The following OGDHL variants were observed in gnomAD, a reference collection of about 807,000 sequenced individuals.
The protein encoded by OGDHL is oxoglutarate dehydrogenase L.
OGDHL carries 79 observed loss-of-function variants against 109.6 expected under a neutral mutation model. That is an observed-to-expected ratio of 0.72 (90% CI 0.60 to 0.87). OGDHL has a LOEUF of 0.87. Among genes scored for constraint, OGDHL ranks in the 40% least tolerant of loss-of-function variants. The probability of loss-of-function intolerance (pLI) is 0.00; values close to 1 mark genes in which losing one functional copy is unlikely to be tolerated. For synonymous variants in OGDHL, 528 were observed against 537.2 expected (o/e 0.98, Z 0.24); for missense variants, 1,275 against 1,362.2 (o/e 0.94, Z 1.01).
chr10:49,737,790 T>C lies in OGDHL; in HGVS notation c.2586A>G (p.Val862=), dbSNP rs1841311567. The change falls in exon 20 of 23, where the codon GTA becomes GTG. Residue 862 remains valine, a synonymous_variant. Coordinates refer to ENST00000374103, the MANE Select transcript of OGDHL (RefSeq NM_018245.3). ...ACACCCAGGCCAGGCACGTACCGGA[T>C]ACCATTTGGTCAAAGCTGGACTTGG... ...PEAKSSFDQM[V]SGTSFQRVIP... is the part of the protein sequence containing the mutation. 7.4e-6 allele frequency: 12 copies of C among 1,614,034 alleles called. No homozygotes were observed. Among genetic ancestry groups the C allele is most frequent in the Non-Finnish European group, 8.5e-6 (10 of 1,180,018 alleles).
chr10:49,751,983 T>C lies in OGDHL; in HGVS notation c.595-2A>G. 6.2e-7 allele frequency: 1 copy of C among 1,614,162 alleles called. No individual in the cohort carries two copies. Among genetic ancestry groups the C allele is most frequent in the Non-Finnish European group, 8.5e-7 (1 of 1,180,034 alleles). ...GCCAATGTGCTGGCAGTAGGTGTTC[T>C]GGGGAGACACATTGGGACCCCATGA... is the stretch of plus-strand genomic sequence containing the variant. On this transcript the variant is annotated splice_acceptor_variant, in intron 5 of 22. Coordinates refer to ENST00000374103, the MANE Select transcript of OGDHL (RefSeq NM_018245.3). LOFTEE classifies it high-confidence loss of function.
At chr10:49,754,884 C>T (rs906521566) in intron 3 of OGDHL, among the ~76,000 whole-genome samples, 2 of 152,154 alleles carry the variant, frequency 1.3e-5, no homozygotes, top group Non-Finnish European at 2.9e-5. Flanking sequence ...GTACAAGAGA[C>T]GTAAGAGCCA....
At position 49,737,977 on chromosome 10, in the gene OGDHL, G is replaced by A. The variant is rs770634118; in HGVS notation, c.2487C>T (p.Arg829=). 6.8e-6 allele frequency: 11 copies of A among 1,614,080 alleles called. No homozygotes were observed. Among genetic ancestry groups the A allele is most frequent in the Admixed American group, 3.3e-5 (2 of 60,010 alleles). Residue 829 remains arginine, a synonymous_variant, in exon 19 of 23, where the codon CGC becomes CGT. Coordinates refer to ENST00000374103, the MANE Select transcript of OGDHL (RefSeq NM_018245.3). Reference sequence around the variant, plus strand: ...TGCGGAAGGGCAGCAGGATCTGCCGGCGCAGCACGTGGAAGTAGTTGGCCG... The same window carrying A: ...TGCGGAAGGGCAGCAGGATCTGCCGACGCAGCACGTGGAAGTAGTTGGCCG... The part of the protein sequence containing the change: ...STPANYFHVL[R]RQILLPFRKP...
intron 6 of OGDHL, among the ~76,000 whole-genome samples, chr10:49,751,590 G>A (rs570041069): frequency 3.3e-5 from 5 of 152,268 alleles, no homozygotes; most frequent in Admixed American, 6.5e-5. Flanking sequence ...CAGTGTCCCC[G>A]CTCTCTTGTT....
rs1588810389 is a variant in OGDHL, at chr10:49,758,381, A to G, written c.204+8T>C. The G allele has an allele frequency of 3.7e-6, 6 of 1,603,020 alleles. No homozygotes were observed. Among genetic ancestry groups the G allele is most frequent in the African/African-American group, 1.3e-5 (1 of 74,916 alleles). ...TGCGGTGGCCCAGGGTAGGGTGGGG[A>G]TGCTGACCTTGTGGACACTCTGGGG... On this transcript the variant is annotated splice_region_variant and intron_variant, in intron 2 of 22. Transcript: ENST00000374103.
At chr10:49,758,942 G>T (rs1050932759) in intron 1 of OGDHL, among the ~76,000 whole-genome samples, 3 of 152,016 alleles carry the variant, frequency 2.0e-5, no homozygotes, top group African/African-American at 7.2e-5. Flanking sequence ...CCTAGGTCCT[G>T]GAGCCCACTC....
At chr10:49,745,122 G>C (rs1564537697) in intron 12 of OGDHL, among the ~76,000 whole-genome samples, 1 of 152,248 alleles carries the variant, frequency 6.6e-6, no homozygotes, top group Non-Finnish European at 1.5e-5. Flanking sequence ...GCTCAAGGCT[G>C]GACTTCCCCC....
In OGDHL at chr10:49,743,813, C is replaced by G. The variant is rs987435458; in HGVS notation, c.1861+181G>C. ...ATCTGGAGCTGCCCAGCTCGCCACG[C>G]CCACCCTGAAAAGAGCTACTGTCAC... On this transcript the variant is annotated intron_variant, in intron 14 of 22. Transcript: ENST00000374103. 3 of 674,608 alleles carry G rather than the reference C, an allele frequency of 4.4e-6. No individual in the cohort carries two copies. The African/African-American group carries it at 5.5e-5, about 12-fold the overall frequency. 41.8% of individuals were successfully genotyped at this position (674,608 alleles called of 1,614,324 possible).
At chr10:49,750,760 G>A in intron 7 of OGDHL, 79 bp downstream of exon 7, 5 of 1,483,120 alleles carry the variant, frequency 3.4e-6, no homozygotes, top group East Asian at 2.5e-5. Flanking sequence ...CCTCCGCTCT[G>A]ATTTCCATCT....
chr10:49,748,291 C>T (rs60744728), intron 8 of OGDHL, among the ~76,000 whole-genome samples: 1,869 of 152,334 alleles, frequency 0.012, 35 homozygotes, highest in African/African-American at 0.042. Context: ...TAAGTGAAAA[C>T]AGCAAGGTGC....
rs1276462920 is a variant in OGDHL, at chr10:49,758,735, G to A, written c.-1-142C>T. The A allele has an allele frequency of 3.7e-6, 3 of 804,616 alleles. No individual in the cohort carries two copies. In the East Asian group the frequency reaches 8.1e-5, roughly 22 times the overall value. 49.8% of individuals were successfully genotyped at this position (804,616 alleles called of 1,614,324 possible). A position where few individuals can be genotyped will look rare whatever the true frequency, so the allele number is the denominator to read the frequency against. ...GCTAGGCAGTGATGAGACTGGGAAT[G>A]TGACACTCTCCCAGCCCCCTGGGCT... On this transcript the variant is annotated intron_variant, in intron 1 of 22. Transcript: ENST00000374103.
chr10:49,750,281 C>T (rs1564548195), intron 7 of OGDHL, among the ~76,000 whole-genome samples: 1 of 152,356 alleles, frequency 6.6e-6, no homozygotes, highest in Non-Finnish European at 1.5e-5. Flanking sequence ...TGGCCACAGA[C>T]GTCTCTGTCC....
chr10:49,738,032 C>T lies in OGDHL; in HGVS notation c.2432G>A (p.Cys811Tyr). 1 of 1,614,184 alleles carries T rather than the reference C, an allele frequency of 6.2e-7. No homozygotes were observed. The change falls in exon 19 of 23, where the codon TGC (cysteine) becomes TAC (tyrosine). Residue 811 changes from cysteine to tyrosine, a missense_variant. Transcript: ENST00000374103. ...GGAGCAGTTGACCACGATCCAGTTG[C>T]AGTCATAGAGCTGGCTCACCTCGAA... is the stretch of plus-strand genomic sequence containing the variant. ...KDFEVSQLYD[C>Y]NWIVVNCSTP...
Position 49,744,684 on chromosome 10 carries a change from C to G in OGDHL, c.1698G>C (p.Leu566=). Residue 566 remains leucine, a synonymous_variant, in exon 13 of 23, where the codon CTG becomes CTC. Coordinates refer to ENST00000374103, the MANE Select transcript of OGDHL (RefSeq NM_018245.3). The part of the protein sequence containing the change: ...AYGRSKDKKI[L]HIKHWLDSPW... ...GGGAGTCCAACCAGTGCTTTATATG[C>G]AGAATCTTTTTATCCTTGGACCTGC... 6.2e-7 allele frequency: 1 copy of G among 1,614,170 alleles called. No individual in the cohort carries two copies. The highest frequency in any genetic ancestry group is 8.5e-7 in the Non-Finnish European group (1 of 1,180,030).
At chr10:49,740,056 G>A (rs1410117584) in intron 16 of OGDHL, among the ~76,000 whole-genome samples, 1 of 152,152 alleles carries the variant, frequency 6.6e-6, no homozygotes, top group East Asian at 1.9e-4. Flanking sequence ...CTGCTATCAT[G>A]TGTGGTCAGG....
chr10:49,748,742 C>CCACACACACACACACACACACA (rs3223401), intron 8 of OGDHL, among the ~76,000 whole-genome samples: 213 of 133,938 alleles, frequency 1.6e-3, no homozygotes, highest in African/African-American at 5.6e-3. Flanking sequence ...AGGTATGGGT[C>CCACACACACACACACACACACA]CACACACACA....
At chr10:49,737,748 AT>A (rs762014108) in intron 20 of OGDHL, 37 bp downstream of exon 20, 1 of 1,610,528 alleles carries the variant, frequency 6.2e-7, no homozygotes, top group South Asian at 1.1e-5. Context: ...CCACCGCCCC[AT>A]TGTGGGCTAC....
At chr10:49,754,598 T>TA (rs1842806816) in intron 3 of OGDHL, among the ~76,000 whole-genome samples, 1 of 151,720 alleles carries the variant, frequency 6.6e-6, no homozygotes, top group Non-Finnish European at 1.5e-5. Flanking sequence ...CCTAGTGAGT[T>TA]AATGGATCTA....
intron 7 of OGDHL, among the ~76,000 whole-genome samples, 190 bp downstream of exon 7, chr10:49,750,649 T>A (rs931994986): frequency 8.5e-5 from 13 of 152,166 alleles, no homozygotes; most frequent in Admixed American, 5.9e-4. Context: ...CGGCCCCAGG[T>A]GACTCTGGCC....
Sources: allele counts gnomAD v4.1 joint callset (sites outside exome capture counted in the v4.1 genomes callset), GRCh38; gene constraint gnomAD v4.1.1; transcripts MANE v1.5; gene names NCBI Gene and HGNC (gene_info 2026-07-23, HGNC 2026-07-21).